The following KCNQ2 variants were observed in gnomAD, a reference collection of about 807,000 sequenced individuals.
KCNQ2 encodes the protein potassium voltage-gated channel subfamily Q member 2.
Under a neutral mutation model 84.8 loss-of-function variants are expected in KCNQ2, and 14 were observed. The observed-to-expected ratio is 0.17, with a 90% CI of 0.11 to 0.26. KCNQ2 has a LOEUF of 0.26. KCNQ2 is among the 10% of genes least tolerant of loss of function. The pLI, the probability that KCNQ2 is intolerant of heterozygous loss-of-function variation, is 1.00. For synonymous variants in KCNQ2, 599 were observed against 554.1 expected (o/e 1.08, Z -1.14); for missense variants, 788 against 1,254.0 (o/e 0.63, Z 5.61).
chr20:63,452,828 C>G (rs531394063), intron 1 of KCNQ2, among the ~76,000 whole-genome samples: 2 of 152,316 alleles, frequency 1.3e-5, no homozygotes, highest in South Asian at 4.1e-4. Context: ...CCGGGACCCT[C>G]CTCGTGGGAA....
At chr20:63,452,888 CGCCA>C (rs2081655792) in intron 1 of KCNQ2, among the ~76,000 whole-genome samples, 1 of 152,128 alleles carries the variant, frequency 6.6e-6, no homozygotes, top group Admixed American at 6.5e-5. Context: ...CGGGACGACG[CGCCA>C]GCCGGAGCTC....
intron 11 of KCNQ2, chr20:63,423,744 C>T (rs2080543270): frequency 4.5e-6 from 1 of 220,214 alleles, no homozygotes; most frequent in South Asian, 7.4e-5. Flanking sequence ...ACTCTGGACC[C>T]AGAGCAGCGG....
intron 1 of KCNQ2, among the ~76,000 whole-genome samples, chr20:63,465,501 A>C (rs1284389433): frequency 6.6e-6 from 1 of 152,200 alleles, no homozygotes; most frequent in Non-Finnish European, 1.5e-5. Context: ...CCTGCCACTC[A>C]GAGCCCACTA....
At chr20:63,420,122 G>C (rs1001800444) in intron 11 of KCNQ2, among the ~76,000 whole-genome samples, 1 of 152,202 alleles carries the variant, frequency 6.6e-6, no homozygotes, top group African/African-American at 2.4e-5. Flanking sequence ...ACCAATCGGC[G>C]ACGTTTGGCC....
At chr20:63,439,867 G>A (rs534755140) in intron 5 of KCNQ2, 159 bp from the exon 6 acceptor site, 24 of 683,528 alleles carry the variant, frequency 3.5e-5, no homozygotes, top group Non-Finnish European at 5.1e-5. Flanking sequence ...GGTCGGTGTC[G>A]GCCGCCCCTC....
At chr20:63,418,687 C>A (rs939562090) in intron 12 of KCNQ2, among the ~76,000 whole-genome samples, 3 of 152,202 alleles carry the variant, frequency 2.0e-5, no homozygotes, top group Non-Finnish European at 4.4e-5. Context: ...GCAGGCCATG[C>A]CCCAGGCAGC....
At chr20:63,437,178 G>A (rs946217085) in intron 7 of KCNQ2, among the ~76,000 whole-genome samples, 2 of 152,206 alleles carry the variant, frequency 1.3e-5, no homozygotes, top group African/African-American at 4.8e-5. Flanking sequence ...ACGGCTGCAG[G>A]TCCTCTGAGG....
At chr20:63,462,141 G>A (rs1237330194) in intron 1 of KCNQ2, among the ~76,000 whole-genome samples, 14 of 80,396 alleles carry the variant, frequency 1.7e-4, no homozygotes, top group South Asian at 9.0e-4. Context: ...CACCTACCCC[G>A]GGGCAGCAGG....
Position 63,438,598 on chromosome 20 carries a change from T to TGG in KCNQ2, c.1023+25_1023+26dup. On this transcript the variant is annotated intron_variant, in intron 7 of 16. Coordinates refer to ENST00000359125, the MANE Select transcript of KCNQ2 (RefSeq NM_172107.4). The surrounding 1 kb of genome is among the most constrained non-coding windows in gnomAD (Gnocchi z 5.1). ...GGTGGGACCAGGACAAGGGCTGTGC[T>TGG]GGTCCCCGGGGGACACCTGGACTCA... The TGG allele has an allele frequency of 6.3e-7, 1 of 1,597,522 alleles. No homozygotes were observed. Among genetic ancestry groups the TGG allele is most frequent in the Non-Finnish European group, 8.6e-7 (1 of 1,165,662 alleles).
At position 63,446,458 on chromosome 20, in the gene KCNQ2, A is replaced by AAGGG. The variant is rs2081429085; in HGVS notation, c.387+285_387+288dup. 6.6e-6 allele frequency among the ~76,000 whole-genome samples: 1 copy of AAGGG among 152,066 alleles called. No individual in the cohort carries two copies. The highest frequency in any genetic ancestry group is 1.5e-5 in the Non-Finnish European group (1 of 67,972). On this transcript the variant is annotated intron_variant, in intron 2 of 16. Coordinates refer to ENST00000359125, the MANE Select transcript of KCNQ2 (RefSeq NM_172107.4). The surrounding 1 kb of genome is among the most constrained non-coding windows in gnomAD (Gnocchi z 5.5). ...CTCCAGAGATAAAGTGGGGATGGGA[A>AAGGG]AGGGAGGGTGGCCCACCCAGGGTGG...
chr20:63,468,196 G>T (rs994707762), intron 1 of KCNQ2, among the ~76,000 whole-genome samples: 1 of 152,204 alleles, frequency 6.6e-6, no homozygotes, highest in African/African-American at 2.4e-5. Flanking sequence ...ACTCTCCGAG[G>T]CTTCTTCACC....
chr20:63,412,821 CGT>C (rs1386002405), intron 15 of KCNQ2, among the ~76,000 whole-genome samples: 1 of 152,214 alleles, frequency 6.6e-6, no homozygotes, highest in Non-Finnish European at 1.5e-5. Flanking sequence ...TCTCAACAGC[CGT>C]GTGTCCCCAT....
At chr20:63,444,930 G>C in intron 3 of KCNQ2, 96 bp from the exon 4 acceptor site, 1 of 1,340,648 alleles carries the variant, frequency 7.5e-7, no homozygotes, top group South Asian at 1.4e-5. Flanking sequence ...GATGTGCAGA[G>C]GGGCGGGAAG....
At chr20:63,443,313 TCACCAC>T (rs1568937167) in intron 4 of KCNQ2, among the ~76,000 whole-genome samples, 1 of 28,394 alleles carries the variant, frequency 3.5e-5, no homozygotes, top group Non-Finnish European at 7.1e-5. Context: ...ATCACCATCA[TCACCAC>T]CACCACCATC....
chr20:63,436,425 G>A (rs2081008174), intron 7 of KCNQ2, among the ~76,000 whole-genome samples: 1 of 152,056 alleles, frequency 6.6e-6, no homozygotes, highest in Non-Finnish European at 1.5e-5. Flanking sequence ...CAGCTACCTG[G>A]GAGGCTGAGG....
chr20:63,445,362 T>C lies in KCNQ2; in HGVS notation c.390A>G (p.Glu130=). The C allele has an allele frequency of 6.2e-7, 1 of 1,613,586 alleles. No homozygotes were observed. The highest frequency in any genetic ancestry group is 8.5e-7 in the Non-Finnish European group (1 of 1,179,866). Residue 130 remains glutamate (E), a splice_region_variant and synonymous_variant, in exon 3 of 17, where the codon GAA becomes GAG. Coordinates refer to ENST00000359125, the MANE Select transcript of KCNQ2 (RefSeq NM_172107.4). The stretch of plus-strand genomic sequence containing the variant: ...CGCCAAACACCACGATAGTCACGAT[T>C]TCCTGCAGGGGAGGAAAGCTGAGGC... The part of the protein sequence containing the change: ...KSSEGALYIL[E]IVTIVVFGVE...
At chr20:63,418,387 C>G (rs375473094) in intron 12 of KCNQ2, among the ~76,000 whole-genome samples, 5 of 152,232 alleles carry the variant, frequency 3.3e-5, no homozygotes, top group Admixed American at 6.5e-5. Flanking sequence ...TTCAGATGTG[C>G]GGTGCCCGCA....
intron 1 of KCNQ2, among the ~76,000 whole-genome samples, chr20:63,452,853 A>G (rs2081654125): frequency 1.3e-5 from 2 of 151,408 alleles, no homozygotes; most frequent in East Asian, 2.0e-4. Flanking sequence ...GAGCCTCCAC[A>G]CAGGCCAGCC....
In KCNQ2 at chr20:63,424,173, T is replaced by TGACCTTGGAGACGGCTCC; in HGVS notation, c.1233_1247+3dup. Reference sequence around the variant, plus strand: ...ACACCAGGGTAGCAGCAGGGGGCACTGACCTTGGAGACGGCTCCGGCGGGG... The same window carrying TGACCTTGGAGACGGCTCC: ...ACACCAGGGTAGCAGCAGGGGGCACTGACCTTGGAGACGGCTCCGACCTTGGAGACGGCTCCGGCGGGG... On this transcript the variant is annotated splice_donor_region_variant and intron_variant, in intron 11 of 16. Coordinates refer to ENST00000359125, the MANE Select transcript of KCNQ2 (RefSeq NM_172107.4). 1 of 1,556,284 alleles carries TGACCTTGGAGACGGCTCC rather than the reference T, an allele frequency of 6.4e-7. No homozygotes were observed. Among genetic ancestry groups the TGACCTTGGAGACGGCTCC allele is most frequent in the Non-Finnish European group, 8.7e-7 (1 of 1,149,238 alleles).
Sources: gnomAD v4.1 joint callset for allele counts (sites outside exome capture counted in the v4.1 genomes callset) on GRCh38, gnomAD v4.1.1 for gene constraint, Gnocchi (gnomAD v3.1) non-coding constraint, MANE v1.5 for transcripts, NCBI Gene and HGNC (gene_info 2026-07-23, HGNC 2026-07-21) for gene names.